DMD: variants seen among roughly 807,000 people sequenced by gnomAD.
DMD encodes the protein dystrophin.
Under a neutral mutation model 330.1 loss-of-function variants are expected in DMD, and 63 were observed. That is an observed-to-expected ratio of 0.19 (90% confidence interval 0.16 to 0.24). The LOEUF (loss-of-function observed/expected upper bound fraction) is 0.24. Among genes scored for constraint, DMD ranks in the 10% least tolerant of loss-of-function variants. The probability of loss-of-function intolerance (pLI) is 1.00; values close to 1 mark genes in which losing one functional copy is unlikely to be tolerated. For missense variants in DMD, 3,344 were observed against 2,684.1 expected (o/e 1.25, Z -5.43); for synonymous variants, 1,223 against 959.8 (o/e 1.27, Z -5.07).
intron 2 of DMD, among the ~76,000 whole-genome samples, chrX:32,881,893 A>G (rs1021774114): frequency 7.2e-5 from 8 of 111,465 alleles, no homozygotes; most frequent in Non-Finnish European, 1.3e-4. Context: ...ATCTAAAGGT[A>G]GGGAGCAATA....
chrX:32,863,047 T>G (rs1456121040), intron 2 of DMD, among the ~76,000 whole-genome samples: 1 of 110,604 alleles, frequency 9.0e-6, no homozygotes, highest in Middle Eastern at 4.2e-3. Flanking sequence ...CTAAATCCAG[T>G]TTTTCTTTTG....
chrX:32,440,095 A>G (rs189510810), intron 28 of DMD, among the ~76,000 whole-genome samples: 1 of 111,385 alleles, frequency 9.0e-6, no homozygotes, highest in African/African-American at 3.2e-5. Flanking sequence ...CGATTTGACA[A>G]TTTCATAGGC....
intron 52 of DMD, among the ~76,000 whole-genome samples, chrX:31,721,700 CTCTCTCTCTCTCTCTCTCTATATA>C (rs1458826233): frequency 4.6e-5 from 3 of 64,710 alleles, no homozygotes; most frequent in Admixed American, 1.6e-4. Flanking sequence ...CTCTCTCTCT[CTCTCTCTCTCTCTCTCTCTATATA>C]TATATATATA....
At chrX:31,280,673 A>G (rs919674869) in intron 62 of DMD, among the ~76,000 whole-genome samples, 2 of 112,630 alleles carry the variant, frequency 1.8e-5, no homozygotes, top group Admixed American at 1.9e-4. Context: ...TCAAAAATGC[A>G]TACAACTGCA....
At chrX:33,215,095 G>T (rs900172028), upstream of DMD, among the ~76,000 whole-genome samples, 1 of 111,673 alleles carries the variant, frequency 9.0e-6, no homozygotes. Flanking sequence ...ATTACTTTGA[G>T]AAGTTGAGGC....
intron 44 of DMD, among the ~76,000 whole-genome samples, chrX:32,077,835 G>A (rs1387611980): frequency 9.0e-6 from 1 of 111,042 alleles, no homozygotes; most frequent in Non-Finnish European, 1.9e-5. Flanking sequence ...ATAACATGCT[G>A]GTTATTAATT....
intron 42 of DMD, among the ~76,000 whole-genome samples, chrX:32,305,678 C>T (rs2097537837): frequency 9.0e-6 from 1 of 111,234 alleles, no homozygotes; most frequent in Non-Finnish European, 1.9e-5. Flanking sequence ...TGAGATCATG[C>T]CACTCAACTG....
chrX:32,645,066 T>C lies in DMD; in HGVS notation c.1047A>G (p.Glu349=), dbSNP rs1044325754. ...VNLDRYQTAL[E]EVLSWLLSAE... is the part of the protein sequence containing the mutation. The stretch of plus-strand genomic sequence containing the variant: ...CAGAAAGAAGCCACGATAATACTTC[T>C]TCTAAAGCTGTTTGATAACGGTCCA... Residue 349 remains glutamate, a synonymous_variant, in exon 10 of 79, where the codon GAA becomes GAG. Coordinates refer to ENST00000357033, the MANE Select transcript of DMD (RefSeq NM_004006.3). 1.7e-6 allele frequency: 2 copies of C among 1,210,046 alleles called. No individual in the cohort carries two copies. Among genetic ancestry groups the C allele is most frequent in the East Asian group, 3.0e-5 (1 of 33,757 alleles).
chrX:32,507,595 A>G (rs1172495679), intron 18 of DMD, among the ~76,000 whole-genome samples: 2 of 111,616 alleles, frequency 1.8e-5, no homozygotes, highest in Non-Finnish European at 3.8e-5. Flanking sequence ...AACAACCACC[A>G]CAACTACAAC....
At chrX:31,317,089 G>A (rs190182406) in intron 62 of DMD, among the ~76,000 whole-genome samples, 26 of 111,699 alleles carry the variant, frequency 2.3e-4, no homozygotes, top group Middle Eastern at 4.6e-3. Context: ...TTTCTATTTC[G>A]AAGTCAACAT....
At chrX:32,717,474 C>A (rs2065849518) in intron 7 of DMD, among the ~76,000 whole-genome samples, 1 of 111,742 alleles carries the variant, frequency 8.9e-6, no homozygotes, top group Admixed American at 9.5e-5. Flanking sequence ...TGAGAGCATC[C>A]ACCTAGATTT....
At chrX:31,792,727 A>C (rs1429501589) in intron 50 of DMD, among the ~76,000 whole-genome samples, 1 of 111,682 alleles carries the variant, frequency 9.0e-6, no homozygotes, top group Non-Finnish European at 1.9e-5. Flanking sequence ...GGAGTGCATG[A>C]GCACTGGAGC....
chrX:32,905,022 T>C (rs1333521994), intron 2 of DMD, among the ~76,000 whole-genome samples: 1 of 112,624 alleles, frequency 8.9e-6, no homozygotes, highest in Non-Finnish European at 1.9e-5. Flanking sequence ...TATGTATTTC[T>C]GTACACATCC....
At chrX:32,335,528 A>G (rs1240390556) in intron 41 of DMD, among the ~76,000 whole-genome samples, 1 of 103,270 alleles carries the variant, frequency 9.7e-6, no homozygotes, top group African/African-American at 3.5e-5. Flanking sequence ...TATGTTATAT[A>G]TAAAACATGT....
At chrX:33,070,691 A>C (rs1203002825) in intron 1 of DMD, among the ~76,000 whole-genome samples, 95 of 88,477 alleles carry the variant, frequency 1.1e-3, no homozygotes, top group East Asian at 3.0e-3. Context: ...ATATATATAT[A>C]TATATATATA....
chrX:31,341,890 C>T (rs1433454879), intron 61 of DMD, among the ~76,000 whole-genome samples: 1 of 73,219 alleles, frequency 1.4e-5, no homozygotes, highest in Non-Finnish European at 2.7e-5. Flanking sequence ...CGTGCGCGCG[C>T]GCACACACAC....
intron 45 of DMD, among the ~76,000 whole-genome samples, chrX:31,938,444 T>C (rs1209820858): frequency 8.9e-6 from 1 of 112,121 alleles, no homozygotes; most frequent in African/African-American, 3.2e-5. Flanking sequence ...TTTGATTGTG[T>C]GTACTACTTT....
intron 42 of DMD, among the ~76,000 whole-genome samples, chrX:32,302,905 G>A (rs186949388): frequency 2.7e-5 from 3 of 110,792 alleles, no homozygotes; most frequent in Non-Finnish European, 3.8e-5. Context: ...TTGCCCAAGG[G>A]TACAACTATC....
chrX:32,961,997 A>T (rs1042788074), intron 2 of DMD, among the ~76,000 whole-genome samples: 1 of 112,016 alleles, frequency 8.9e-6, no homozygotes, highest in Non-Finnish European at 1.9e-5. Context: ...TGATTGTGGG[A>T]AAATGACAAC....
Sources: gnomAD v4.1 joint callset for allele counts (sites outside exome capture counted in the v4.1 genomes callset) on GRCh38, gnomAD v4.1.1 for gene constraint, MANE v1.5 for transcripts, NCBI Gene and HGNC (gene_info 2026-07-23, HGNC 2026-07-21) for gene names.